Variants in DNAJC22 observed in about 807,000 individuals in gnomAD.
DNAJC22 encodes the protein dnaJ homolog subfamily C member 22.
DNAJC22 carries 24 observed loss-of-function variants against 22.2 expected under a neutral mutation model. The ratio of observed to expected loss-of-function variants is 1.08; its 90% CI spans 0.78 to 1.52. DNAJC22 has a LOEUF of 1.52. Ranked by LOEUF, DNAJC22 falls within the 40% of genes most tolerant of loss-of-function variation. DNAJC22 has a pLI of 0.00. For synonymous variants in DNAJC22, 160 were observed against 167.4 expected (o/e 0.96, Z 0.34); for missense variants, 434 against 421.7 (o/e 1.03, Z -0.26).
rs376832831 is a variant in DNAJC22, at chr12:49,351,301, C to A, written c.841-16C>A. ...AACTTGGGGGATTCTAATTTGTCATCTTCTGTTTCCATAAGGTTTTGGGCC... is the reference window on the plus strand; with the variant it reads ...AACTTGGGGGATTCTAATTTGTCATATTCTGTTTCCATAAGGTTTTGGGCC... On this transcript the variant is annotated splice_polypyrimidine_tract_variant and intron_variant, in intron 3 of 3. Transcript: ENST00000549441. The A allele has an allele frequency of 3.5e-5, 56 of 1,612,954 alleles. No individual in the cohort carries two copies. The highest frequency in any genetic ancestry group is 4.7e-5 in the Non-Finnish European group (55 of 1,179,670).
chr12:49,349,580 CCTT>C lies in DNAJC22; in HGVS notation c.711_713del (p.Leu238del), dbSNP rs749509798. 12 of 1,614,196 alleles carry C rather than the reference CCTT, an allele frequency of 7.4e-6. No individual in the cohort carries two copies. Among genetic ancestry groups the C allele is most frequent in the South Asian group, 4.4e-5 (4 of 91,088 alleles). Reference sequence around the variant, plus strand: ...TTGGCCGCCTCATGGAGTTTGTCCTCCTTCTGCCTTACCGGATCTGGAGGCTAC... The same window carrying C: ...TTGGCCGCCTCATGGAGTTTGTCCTCCTGCCTTACCGGATCTGGAGGCTAC... On this transcript the variant is annotated inframe_deletion, in exon 3 of 4. Transcript: ENST00000549441.
intron 3 of DNAJC22, among the ~76,000 whole-genome samples, chr12:49,350,081 C>CTT (rs113751660): frequency 0.068 from 9,875 of 144,630 alleles, 652 homozygotes; most frequent in African/African-American, 0.17. Flanking sequence ...TCTTCTTCTT[C>CTT]TTTTTTTTTT....
At position 49,352,390 on chromosome 12, in the gene DNAJC22, C is replaced by G. The variant is rs1943795259; in HGVS notation, c.*888C>G. 6.6e-6 allele frequency: 1 copy of G among 152,182 alleles called. No individual in the cohort carries two copies. The highest frequency in any genetic ancestry group is 1.5e-5 in the Non-Finnish European group (1 of 68,052). 9.4% of individuals were successfully genotyped at this position (152,182 alleles called of 1,614,324 possible). ...ACTTAGCCAGCCATGGTGGCACATG[C>G]CTGTAGCCCCAGCTAGTCGGGAGGC... On this transcript the variant is annotated 3_prime_UTR_variant, in exon 4 of 4. Transcript: ENST00000549441.
rs1943713031 is a variant in DNAJC22, at chr12:49,347,422, G to A, written c.-699G>A. The stretch of plus-strand genomic sequence containing the variant: ...AGGCAAGCAAGCCCTGTGGGGGGTT[G>A]AGGACAGCTTGGGTTGGATGTCCCT... On this transcript the variant is annotated 5_prime_UTR_variant, in exon 1 of 4. Coordinates refer to ENST00000549441, the MANE Select transcript of DNAJC22 (RefSeq NM_001304944.2). 1 of 152,408 alleles carries A rather than the reference G, an allele frequency of 6.6e-6. No individual in the cohort carries two copies. The highest frequency in any genetic ancestry group is 2.4e-5 in the African/African-American group (1 of 41,454). 9.4% of individuals were successfully genotyped at this position (152,408 alleles called of 1,614,324 possible).
rs761208889 is a variant in DNAJC22 at position 49,351,279 on chromosome 12, T to C, written c.841-38T>C. 3.1e-6 allele frequency: 5 copies of C among 1,612,404 alleles called. No homozygotes were observed. In the African/African-American group the frequency reaches 6.7e-5, roughly 22 times the overall value. ...GGAGAGGCCCAGGTACCCTGACAAC[T>C]TGGGGGATTCTAATTTGTCATCTTC... On this transcript the variant is annotated intron_variant, in intron 3 of 3. Coordinates refer to ENST00000549441, the MANE Select transcript of DNAJC22 (RefSeq NM_001304944.2).
Position 49,348,785 on chromosome 12 carries a change from G to A in DNAJC22, c.-88G>A. On this transcript the variant is annotated 5_prime_UTR_variant, in exon 3 of 4. Coordinates refer to ENST00000549441, the MANE Select transcript of DNAJC22 (RefSeq NM_001304944.2). ...TCTTAGGGTCTAAGGATAACTCTGG[G>A]GCCATGACAGCCATGAGTCTCACAG... is the stretch of plus-strand genomic sequence containing the variant. The A allele has an allele frequency of 7.0e-7, 1 of 1,427,098 alleles. No individual in the cohort carries two copies. The highest frequency in any genetic ancestry group is 9.2e-7 in the Non-Finnish European group (1 of 1,088,840). 88.4% of individuals were successfully genotyped at this position (1,427,098 alleles called of 1,614,324 possible).
At position 49,353,115 on chromosome 12, in the gene DNAJC22, AC is replaced by A. The variant is rs1943801506; in HGVS notation, c.*1616del. 4 of 152,108 alleles carry A rather than the reference AC, an allele frequency of 2.6e-5. No individual in the cohort carries two copies. The highest frequency in any genetic ancestry group is 9.7e-5 in the African/African-American group (4 of 41,416). 9.4% of individuals were successfully genotyped at this position (152,108 alleles called of 1,614,324 possible). ...TATGTCCCTTTGGGGACTTTGGGAA[AC>A]CCTAGGGAACCAGCGGCTAGAGCAT... On this transcript the variant is annotated 3_prime_UTR_variant, in exon 4 of 4. Coordinates refer to ENST00000549441, the MANE Select transcript of DNAJC22 (RefSeq NM_001304944.2).
rs1423305316 is a variant in DNAJC22, at chr12:49,349,286, A to C, written c.414A>C (p.Ala138=). Residue 138 remains alanine, a synonymous_variant, in exon 3 of 4, where the codon GCA becomes GCC. Transcript: ENST00000549441. ...TSDFKNTLGS[A]FLTSPIFYGR... is the part of the protein sequence containing the mutation. ...ACTTTAAGAACACTCTGGGGTCAGC[A>C]TTTCTCACTTCACCTATCTTCTATG... 6.2e-7 allele frequency: 1 copy of C among 1,614,058 alleles called. No individual in the cohort carries two copies. Among genetic ancestry groups the C allele is most frequent in the Admixed American group, 1.7e-5 (1 of 60,024 alleles).
At chr12:49,348,720 G>T in intron 2 of DNAJC22, 46 bp from the exon 3 acceptor site, 1 of 1,071,928 alleles carries the variant, frequency 9.3e-7, no homozygotes, top group Non-Finnish European at 1.2e-6. Context: ...TTGCTGTGTT[G>T]GAGCCTGGAC....
At position 49,351,337 on chromosome 12, in the gene DNAJC22, G is replaced by T. The variant is rs756512405; in HGVS notation, c.861G>T (p.Gly287=). ...ATAAGGTTTTGGGCCTCTCAGAAGG[G>T]GCAACAAATGAAGAAATACATCGGA... ...LAYQVLGLSE[G]ATNEEIHRSY... Residue 287 remains glycine, a synonymous_variant, in exon 4 of 4, where the codon GGG becomes GGT. Coordinates refer to ENST00000549441, the MANE Select transcript of DNAJC22 (RefSeq NM_001304944.2). 2 of 1,613,442 alleles carry T rather than the reference G, an allele frequency of 1.2e-6. No individual in the cohort carries two copies. Among genetic ancestry groups the T allele is most frequent in the African/African-American group, 1.3e-5 (1 of 74,838 alleles).
Position 49,351,923 on chromosome 12 carries a change from A to C in DNAJC22, c.*421A>C. On this transcript the variant is annotated 3_prime_UTR_variant, in exon 4 of 4. Transcript: ENST00000549441. ...CTCAAAAAAAAAAAAAAGAAAGAAA[A>C]ACTGCTTGCAGGGGACATGAGAAAA... The C allele has an allele frequency of 6.6e-6, 1 of 152,554 alleles. No individual in the cohort carries two copies. The highest frequency in any genetic ancestry group is 1.9e-4 in the East Asian group (1 of 5,200). 9.5% of individuals were successfully genotyped at this position (152,554 alleles called of 1,614,324 possible). A position where few individuals can be genotyped will look rare whatever the true frequency, so the allele number is the denominator to read the frequency against.
At position 49,351,571 on chromosome 12, in the gene DNAJC22, G is replaced by A. The variant is rs1943785827; in HGVS notation, c.*69G>A. 1 of 1,457,344 alleles carries A rather than the reference G, an allele frequency of 6.9e-7. No individual in the cohort carries two copies. Among genetic ancestry groups the A allele is most frequent in the East Asian group, 2.6e-5 (1 of 38,834 alleles). The allele number at this position is 1,457,344 out of a possible 1,614,324, so 90.3% of individuals were successfully genotyped here. A position where few individuals can be genotyped will look rare whatever the true frequency, so the allele number is the denominator to read the frequency against. On this transcript the variant is annotated 3_prime_UTR_variant, in exon 4 of 4. Coordinates refer to ENST00000549441, the MANE Select transcript of DNAJC22 (RefSeq NM_001304944.2). ...GGCAACTTGTCCCAAATCTAGCTTTGCCCACGAATGGCATCCCAACAGAGT... is the reference window on the plus strand; with the variant it reads ...GGCAACTTGTCCCAAATCTAGCTTTACCCACGAATGGCATCCCAACAGAGT...
Position 49,351,299 on chromosome 12 carries a change from A to C in DNAJC22, c.841-18A>C. On this transcript the variant is annotated intron_variant, in intron 3 of 3. Coordinates refer to ENST00000549441, the MANE Select transcript of DNAJC22 (RefSeq NM_001304944.2). ...ACAACTTGGGGGATTCTAATTTGTC[A>C]TCTTCTGTTTCCATAAGGTTTTGGG... 6.2e-7 allele frequency: 1 copy of C among 1,613,096 alleles called. No homozygotes were observed.
At position 49,352,805 on chromosome 12, in the gene DNAJC22, A is replaced by T. The variant is rs920221094; in HGVS notation, c.*1303A>T. The T allele has an allele frequency of 5.3e-5, 8 of 152,130 alleles. No individual in the cohort carries two copies. Among genetic ancestry groups the T allele is most frequent in the Middle Eastern group, 3.2e-3 (1 of 316 alleles). 9.4% of individuals were successfully genotyped at this position (152,130 alleles called of 1,614,324 possible). The stretch of plus-strand genomic sequence containing the variant: ...GGGGGTAGTTCTTCCTCCTCTGCTT[A>T]GAGGAGAATTTTTGGAGAGCTCTCA... On this transcript the variant is annotated 3_prime_UTR_variant, in exon 4 of 4. Coordinates refer to ENST00000549441, the MANE Select transcript of DNAJC22 (RefSeq NM_001304944.2).
At chr12:49,350,516 G>C (rs1244273053) in intron 3 of DNAJC22, among the ~76,000 whole-genome samples, 1 of 27,114 alleles carries the variant, frequency 3.7e-5, no homozygotes, top group African/African-American at 1.3e-4. Context: ...TTTTTTTTTT[G>C]AGATGGAGTT....
chr12:49,350,425 G>A (rs1208126695), intron 3 of DNAJC22, among the ~76,000 whole-genome samples: 1 of 148,506 alleles, frequency 6.7e-6, no homozygotes, highest in East Asian at 2.0e-4. Context: ...TCCCGTATGT[G>A]TTCTTTTGTA....
At chr12:49,351,155 C>G (rs757893061) in intron 3 of DNAJC22, 162 bp from the exon 4 acceptor site, 2 of 1,418,642 alleles carry the variant, frequency 1.4e-6, no homozygotes, top group East Asian at 2.9e-5. Flanking sequence ...TATTATTACT[C>G]TATAAGGCTG....
chr12:49,349,719 C>G lies in DNAJC22; in HGVS notation c.840+7C>G, dbSNP rs1369143128. 4 of 1,614,082 alleles carry G rather than the reference C, an allele frequency of 2.5e-6. No homozygotes were observed. The highest frequency in any genetic ancestry group is 1.3e-5 in the African/African-American group (1 of 75,024). Reference sequence around the variant, plus strand: ...GCGTCAGCTGGCTTACCAGGTAAGGCTTTCTTCCCTCAGTCCTGTCCGGTG... The same window carrying G: ...GCGTCAGCTGGCTTACCAGGTAAGGGTTTCTTCCCTCAGTCCTGTCCGGTG... On this transcript the variant is annotated splice_region_variant and intron_variant, in intron 3 of 3. Coordinates refer to ENST00000549441, the MANE Select transcript of DNAJC22 (RefSeq NM_001304944.2).
intron 2 of DNAJC22, among the ~76,000 whole-genome samples, chr12:49,348,340 A>G (rs1943726697): frequency 6.6e-6 from 1 of 152,188 alleles, no homozygotes; most frequent in Admixed American, 6.5e-5. Flanking sequence ...GACCCCTTTC[A>G]AGTTTGACCT....
Sources: allele counts gnomAD v4.1 joint callset (sites outside exome capture counted in the v4.1 genomes callset), GRCh38; gene constraint gnomAD v4.1.1; transcripts MANE v1.5; gene names NCBI Gene and HGNC (gene_info 2026-07-23, HGNC 2026-07-21).